TET1: variants seen among roughly 807,000 people sequenced by gnomAD.
TET1 encodes tet methylcytosine dioxygenase 1, also known as methylcytosine dioxygenase TET1.
TET1 carries 13 observed loss-of-function variants against 148.7 expected under a neutral mutation model. That is an observed-to-expected ratio of 0.09 (90% CI 0.06 to 0.14). The LOEUF is 0.14. Ranked by LOEUF, TET1 falls within the 10% of genes least tolerant of loss-of-function variation. The pLI, the probability that TET1 is intolerant of heterozygous loss-of-function variation, is 1.00. For missense variants in TET1, 2,182 were observed against 2,553.8 expected, an observed-to-expected ratio of 0.85 and a Z score of 3.14; for synonymous variants, 907 against 937.2, an observed-to-expected ratio of 0.97 and a Z score of 0.59.
At chr10:68,595,056 C>T (rs1232912797) in intron 2 of TET1, among the ~76,000 whole-genome samples, 1 of 148,876 alleles carries the variant, frequency 6.7e-6, no homozygotes, top group Non-Finnish European at 1.5e-5. Context: ...GGGACACTGA[C>T]ATGGGAGGAT....
At position 68,572,593 on chromosome 10, in the gene TET1, T is replaced by C. The variant is rs1423979074; in HGVS notation, c.255T>C (p.Asp85=). 1 of 1,614,174 alleles carries C rather than the reference T, an allele frequency of 6.2e-7. No individual in the cohort carries two copies. The highest frequency in any genetic ancestry group is 8.5e-7 in the Non-Finnish European group (1 of 1,180,024). Residue 85 remains aspartate, a synonymous_variant, in exon 2 of 12, where the codon GAT becomes GAC. Coordinates refer to ENST00000373644, the MANE Select transcript of TET1 (RefSeq NM_030625.3). ...CTGGAGCAGCACGCATGAATTTGGA[T>C]AGGACTGAGGTTCTTTTTCAGAACC... ...TRAGAARMNL[D]RTEVLFQNPE... is the part of the protein sequence containing the mutation.
In TET1 at chr10:68,693,928, C is replaced by T. The variant is rs977825062; in HGVS notation, c.*2114C>T. ...CTTCGAGTCTACACTTATTGAATGC[C>T]TGCAAAATCTAAGTATCACTTTTAT... is the stretch of plus-strand genomic sequence containing the variant. On this transcript the variant is annotated 3_prime_UTR_variant, in exon 12 of 12. Transcript: ENST00000373644. 2 of 230,600 alleles carry T rather than the reference C, an allele frequency of 8.7e-6. No individual in the cohort carries two copies. The highest frequency in any genetic ancestry group is 1.7e-5 in the Non-Finnish European group (2 of 116,552). 14.3% of individuals were successfully genotyped at this position (230,600 alleles called of 1,614,324 possible). A position where few individuals can be genotyped will look rare whatever the true frequency, so the allele number is the denominator to read the frequency against.
chr10:68,602,567 G>T (rs1052142418), intron 3 of TET1, among the ~76,000 whole-genome samples: 1 of 152,180 alleles, frequency 6.6e-6, no homozygotes, highest in Non-Finnish European at 1.5e-5. Flanking sequence ...CTTTGGGAAT[G>T]CAATTTAATT....
At chr10:68,621,412 C>T (rs1385489572) in intron 3 of TET1, among the ~76,000 whole-genome samples, 2 of 151,938 alleles carry the variant, frequency 1.3e-5, no homozygotes, top group African/African-American at 2.4e-5. Context: ...GGTGAAACCC[C>T]GTATTTACTA....
chr10:68,573,799 A>T lies in TET1; in HGVS notation c.1461A>T (p.Ser487=), dbSNP rs1232110025. The T allele has an allele frequency of 6.2e-7, 1 of 1,613,942 alleles. No homozygotes were observed. The highest frequency in any genetic ancestry group is 8.5e-7 in the Non-Finnish European group (1 of 1,180,032). Residue 487 remains serine (S), a synonymous_variant, in exon 2 of 12, where the codon TCA becomes TCT. Coordinates refer to ENST00000373644, the MANE Select transcript of TET1 (RefSeq NM_030625.3). The part of the protein sequence containing the change: ...PQSSSNSEKN[S]LPPVMAISNV... ...CATCATCAAACTCAGAGAAAAATTC[A>T]TTACCTCCAGTAATGGCTATAAGCA...
chr10:68,694,228 G>A lies in TET1; in HGVS notation c.*2414G>A, dbSNP rs2055627576. 4.3e-6 allele frequency: 1 copy of A among 232,600 alleles called. No homozygotes were observed. The highest frequency in any genetic ancestry group is 8.5e-6 in the Non-Finnish European group (1 of 117,700). 14.4% of individuals were successfully genotyped at this position (232,600 alleles called of 1,614,324 possible). The stretch of plus-strand genomic sequence containing the variant: ...GTATCAACTGAAATGTTTCCATTCC[G>A]TTGTTGTAGTTAACATCATGAATGG... On this transcript the variant is annotated 3_prime_UTR_variant, in exon 12 of 12. Transcript: ENST00000373644.
rs574613794 is a variant in TET1, at chr10:68,627,922, C to T, written c.1969-16776C>T. ...CTGCACTCCAGCCGGGGCGGCTGAG[C>T]GAGACTATGTCTAAAAAAAAAAGAA... On this transcript the variant is annotated intron_variant, in intron 3 of 11. Transcript: ENST00000373644. 1.3e-3 allele frequency among the ~76,000 whole-genome samples: 190 copies of T among 151,856 alleles called. 1 individual carries two copies. Among genetic ancestry groups the T allele is most frequent in the African/African-American group, 4.1e-3 (171 of 41,436 alleles).
chr10:68,681,631 A>T, intron 9 of TET1, 143 bp downstream of exon 9: 1 of 540,932 alleles, frequency 1.8e-6, no homozygotes, highest in Non-Finnish European at 3.2e-6. Context: ...ACCCTCCAAA[A>T]ATGCTGGGAT....
chr10:68,677,778 G>A (rs547735605), intron 8 of TET1, among the ~76,000 whole-genome samples: 10 of 152,052 alleles, frequency 6.6e-5, no homozygotes, highest in East Asian at 1.9e-4. Context: ...GCGCCACCAC[G>A]CCCAGCTAAT....
At chr10:68,648,390 G>A (rs1005999970) in intron 4 of TET1, among the ~76,000 whole-genome samples, 3 of 152,170 alleles carry the variant, frequency 2.0e-5, no homozygotes, top group Non-Finnish European at 4.4e-5. Flanking sequence ...TAAAAAAATA[G>A]GGAAATTCAA....
intron 3 of TET1, among the ~76,000 whole-genome samples, chr10:68,610,012 G>A (rs572860339): frequency 3.9e-5 from 6 of 151,932 alleles, no homozygotes; most frequent in East Asian, 3.9e-4. Flanking sequence ...GGCAGGGCAC[G>A]GTGGCTCACC....
chr10:68,637,539 T>TTTTTTTTTTC (rs2054672119), intron 3 of TET1, among the ~76,000 whole-genome samples: 12 of 148,012 alleles, frequency 8.1e-5, no homozygotes, highest in African/African-American at 3.0e-4. Context: ...TTTTTTTTTT[T>TTTTTTTTTTC]AAGAGACAGA....
chr10:68,654,402 G>T (rs1324781606), intron 6 of TET1, among the ~76,000 whole-genome samples: 1 of 152,094 alleles, frequency 6.6e-6, no homozygotes, highest in Non-Finnish European at 1.5e-5. Context: ...GATCACCAGA[G>T]GTCAGGAGAT....
intron 6 of TET1, among the ~76,000 whole-genome samples, chr10:68,657,301 C>G (rs914962625): frequency 6.6e-6 from 1 of 152,004 alleles, no homozygotes; most frequent in Non-Finnish European, 1.5e-5. Context: ...CTCAGCCTCC[C>G]GAGTAGCTAG....
rs1422979704 is a variant in TET1, at chr10:68,573,001, A to T, written c.663A>T (p.Thr221=). ...AEILPGPLEG[T]RCGEGLFSEE... is the part of the protein sequence containing the mutation. ...TCCTTCCTGGGCCACTGGAAGGGAC[A>T]CGCTGTGGTGAAGGACTATTCTCTG... The change falls in exon 2 of 12, where the codon ACA becomes ACT. Residue 221 remains threonine, a synonymous_variant. Coordinates refer to ENST00000373644, the MANE Select transcript of TET1 (RefSeq NM_030625.3). The T allele has an allele frequency of 6.2e-7, 1 of 1,614,138 alleles. No homozygotes were observed. The highest frequency in any genetic ancestry group is 1.1e-5 in the South Asian group (1 of 91,074).
chr10:68,561,627 G>C (rs559183353), intron 1 of TET1, among the ~76,000 whole-genome samples: 155 of 152,098 alleles, frequency 1.0e-3, no homozygotes, highest in African/African-American at 3.6e-3. Context: ...GCTCTCGGGC[G>C]AGGAGGCGGC....
intron 6 of TET1, among the ~76,000 whole-genome samples, chr10:68,658,080 G>C (rs970301912): frequency 6.6e-6 from 1 of 151,950 alleles, no homozygotes; most frequent in Non-Finnish European, 1.5e-5. Context: ...TTGTGTATTT[G>C]TTATAAAACA....
chr10:68,624,650 TTCTTTCTTTCTC>T (rs1368007770), intron 3 of TET1, among the ~76,000 whole-genome samples: 77 of 57,050 alleles, frequency 1.3e-3, no homozygotes, highest in Non-Finnish European at 1.7e-3. Flanking sequence ...CTTTCTTTCT[TTCTTTCTTTCTC>T]TCTCTCTCTC....
At chr10:68,638,765 T>TTGTGTG (rs59106736) in intron 3 of TET1, among the ~76,000 whole-genome samples, 5,996 of 140,800 alleles carry the variant, frequency 0.043, 160 homozygotes, top group Non-Finnish European at 0.058. Flanking sequence ...TGTATGGAGT[T>TTGTGTG]TGTGTGTGTG....
Sources: allele counts gnomAD v4.1 joint callset (sites outside exome capture counted in the v4.1 genomes callset), GRCh38; gene constraint gnomAD v4.1.1; transcripts MANE v1.5; gene names NCBI Gene and HGNC (gene_info 2026-07-23, HGNC 2026-07-21).